The following SYNE2 variants were observed in gnomAD, a reference collection of about 807,000 sequenced individuals.
SYNE2 encodes nesprin-2.
Under a neutral mutation model 856.3 loss-of-function variants are expected in SYNE2, and 431 were observed. The observed-to-expected ratio is 0.50, with a 90% confidence interval of 0.47 to 0.55. SYNE2 has a LOEUF of 0.55. Among genes scored for constraint, SYNE2 ranks in the 20% least tolerant of loss-of-function variants. The pLI is 0.00. For missense variants in SYNE2, 8,129 were observed against 8,023.2 expected (o/e 1.01, Z -0.50); for synonymous variants, 2,923 against 2,872.3 (o/e 1.02, Z -0.56).
rs1225252540 is a variant in SYNE2, at chr14:64,152,622, A to T, written c.15698A>T (p.Tyr5233Phe). 6.2e-7 allele frequency: 1 copy of T among 1,614,040 alleles called. No individual in the cohort carries two copies. Among genetic ancestry groups the T allele is most frequent in the African/African-American group, 1.3e-5 (1 of 74,946 alleles). ...GCACTAGATGAGTTGAAACAAAGTT[A>T]TCTGACTTTGGAGAGTGGGGCAGTG... ...SKALDELKQS[Y>F]LTLESGAVPL... The change falls in exon 85 of 116, where the codon TAT (tyrosine) becomes TTT (phenylalanine). Residue 5233 changes from tyrosine (Y) to phenylalanine (F), a missense_variant. Physicochemically the swap from Tyr to Phe is conservative, Grantham distance 22. This residue lies in a region of SYNE2 where 5,410 missense variants were observed against 5,284.8 expected (regional missense o/e 1.02). Transcript: ENST00000555002.
chr14:64,110,939 C>G (rs2097801367), intron 65 of SYNE2, among the ~76,000 whole-genome samples: 2 of 152,110 alleles, frequency 1.3e-5, no homozygotes, highest in Admixed American at 1.3e-4. Flanking sequence ...TTTGTCTTCT[C>G]TTCCCCTTTG....
At chr14:63,817,844 G>A (rs1007397987) in intron 1 of SYNE2, among the ~76,000 whole-genome samples, 2 of 150,886 alleles carry the variant, frequency 1.3e-5, no homozygotes, top group Non-Finnish European at 3.0e-5. Context: ...GGCAACACAG[G>A]GAGACCCTGT....
intron 80 of SYNE2, among the ~76,000 whole-genome samples, chr14:64,140,653 A>G (rs2098131870): frequency 6.6e-6 from 1 of 152,240 alleles, no homozygotes; most frequent in Admixed American, 6.5e-5. Flanking sequence ...ACAACTTTAT[A>G]AGGTTATTAA....
chr14:64,206,010 C>A (rs1484219358), intron 100 of SYNE2, among the ~76,000 whole-genome samples: 1 of 152,216 alleles, frequency 6.6e-6, no homozygotes, highest in African/African-American at 2.4e-5. Flanking sequence ...GGAGCTGGCA[C>A]TGGGGGCTTC....
At chr14:64,105,619 A>G (rs1324319490) in intron 64 of SYNE2, among the ~76,000 whole-genome samples, 2 of 152,230 alleles carry the variant, frequency 1.3e-5, no homozygotes, top group Non-Finnish European at 2.9e-5. Flanking sequence ...TATAATATCC[A>G]CATGCTTTCT....
At position 64,098,034 on chromosome 14, in the gene SYNE2, T is replaced by A; in HGVS notation, c.12194T>A (p.Leu4065Gln). The A allele has an allele frequency of 6.2e-7, 1 of 1,614,210 alleles. No homozygotes were observed. The highest frequency in any genetic ancestry group is 2.2e-5 in the East Asian group (1 of 44,880). The change falls in exon 62 of 116, where the codon CTA becomes CAA. Residue 4065 changes from leucine (L) to glutamine (Q), a missense_variant. By Grantham distance (113) the Leu-to-Gln change is moderately radical (BLOSUM62 -2). This residue lies in a region of SYNE2 where 5,410 missense variants were observed against 5,284.8 expected (regional missense o/e 1.02). Transcript: ENST00000555002. ...TTGGTGGACTTGAAGGCCACCGTAC[T>A]AAACCTTCACCAGCATTTGAAGCAA... ...DLLVDLKATV[L>Q]NLHQHLKQEQ...
chr14:63,924,126 A>G (rs576247402), intron 2 of SYNE2, among the ~76,000 whole-genome samples: 1 of 152,166 alleles, frequency 6.6e-6, no homozygotes, highest in South Asian at 2.1e-4. Flanking sequence ...TTCTTTTCCT[A>G]CTGACTTTTC....
chr14:63,833,343 A>G (rs996378218), intron 1 of SYNE2, among the ~76,000 whole-genome samples: 4 of 152,236 alleles, frequency 2.6e-5, no homozygotes, highest in African/African-American at 7.2e-5. Context: ...GAGGAGGTAG[A>G]ATACAAATCT....
intron 85 of SYNE2, among the ~76,000 whole-genome samples, chr14:64,153,869 A>T (rs1394543585): frequency 6.6e-6 from 1 of 152,228 alleles, no homozygotes; most frequent in African/African-American, 2.4e-5. Context: ...TCCAGAAATA[A>T]GCCCTCACAT....
chr14:63,809,829 TTTCCTGAAATC>T lies in SYNE2; in HGVS notation c.-304-42671_-304-42661del, dbSNP rs773308014. On this transcript the variant is annotated intron_variant, in intron 1 of 23. Coordinates refer to the SYNE2 transcript ENST00000674003. ...TAAGTATTTTAAATCTTATTGATAA[TTTCCTGAAATC>T]AAATGGAGGTCTTTTGACCTCAAAC... Among the ~76,000 whole-genome samples, 311 of 152,218 alleles carry T rather than the reference TTTCCTGAAATC, an allele frequency of 2.0e-3. 2 individuals carry two copies. Among genetic ancestry groups the T allele is most frequent in the Non-Finnish European group, 2.0e-3 (138 of 68,004 alleles).
At chr14:64,155,836 G>C (rs1374126802) in intron 85 of SYNE2, among the ~76,000 whole-genome samples, 1 of 152,232 alleles carries the variant, frequency 6.6e-6, no homozygotes, top group Non-Finnish European at 1.5e-5. Flanking sequence ...GCCGAGATGG[G>C]AGGATTACTT....
intron 33 of SYNE2, among the ~76,000 whole-genome samples, chr14:64,016,938 C>T (rs543657352): frequency 6.6e-5 from 10 of 152,112 alleles, no homozygotes; most frequent in African/African-American, 9.6e-5. Flanking sequence ...AATGATATTA[C>T]TAGTTTTTAT....
intron 6 of SYNE2, among the ~76,000 whole-genome samples, chr14:63,945,695 G>A (rs1207051354): frequency 6.6e-6 from 1 of 152,026 alleles, no homozygotes; most frequent in African/African-American, 2.4e-5. Context: ...CACGATCTTG[G>A]CTCACTGTAA....
intron 33 of SYNE2, 114 bp downstream of exon 33, chr14:64,016,745 A>T (rs1169857069): frequency 1.3e-6 from 1 of 768,962 alleles, no homozygotes; most frequent in East Asian, 2.8e-5. Context: ...AAATGTTCAA[A>T]TTATATAAAA....
intron 7 of SYNE2, among the ~76,000 whole-genome samples, chr14:63,951,150 C>T (rs533241999): frequency 4.6e-5 from 7 of 151,970 alleles, no homozygotes; most frequent in Admixed American, 6.6e-5. Flanking sequence ...GAACAGCTGT[C>T]GAGTTCAAAA....
intron 11 of SYNE2, among the ~76,000 whole-genome samples, chr14:63,974,806 G>A (rs12436921): frequency 7.3e-6 from 1 of 136,770 alleles, no homozygotes; most frequent in Non-Finnish European, 1.6e-5. Context: ...GTATATATGT[G>A]TATATATGTA....
At chr14:64,206,193 C>A (rs973665375) in intron 100 of SYNE2, among the ~76,000 whole-genome samples, 1 of 152,248 alleles carries the variant, frequency 6.6e-6, no homozygotes, top group East Asian at 1.9e-4. Context: ...TCCTCCCCAA[C>A]CTCAGGGTTA....
At chr14:64,131,893 G>A (rs1415783610) in intron 76 of SYNE2, among the ~76,000 whole-genome samples, 1 of 152,006 alleles carries the variant, frequency 6.6e-6, no homozygotes, top group Admixed American at 6.6e-5. Context: ...ATAATTTGTT[G>A]AAGTTCCACT....
intron 98 of SYNE2, chr14:64,189,079 AT>A: frequency 1.5e-6 from 1 of 669,896 alleles, no homozygotes; most frequent in Admixed American, 2.2e-5. Context: ...CATTGCTGTA[AT>A]CCTAGCACTT....
Sources: allele counts gnomAD v4.1 joint callset (sites outside exome capture counted in the v4.1 genomes callset), GRCh38; gene constraint gnomAD v4.1.1; regional missense constraint gnomAD v4.1.1; transcripts MANE v1.5; gene names NCBI Gene and HGNC (gene_info 2026-07-23, HGNC 2026-07-21).